STAG3: variants seen among roughly 807,000 people sequenced by gnomAD.
STAG3 encodes the protein cohesin subunit SA-3.
Under a neutral mutation model 160.7 loss-of-function variants are expected in STAG3, and 101 were observed. That is an observed-to-expected ratio of 0.63 (90% CI 0.54 to 0.74). STAG3 has a LOEUF of 0.74. Among genes scored for constraint, STAG3 ranks in the 30% least tolerant of loss-of-function variants. The pLI is 0.00. For synonymous variants in STAG3, 519 were observed against 585.0 expected, an observed-to-expected ratio of 0.89 and a Z score of 1.63; for missense variants, 1,188 against 1,517.4, an observed-to-expected ratio of 0.78 and a Z score of 3.61.
chr7:100,217,616 CGCT>C (rs1456031218), downstream of STAG3, among the ~76,000 whole-genome samples: 1 of 151,972 alleles, frequency 6.6e-6, no homozygotes, highest in Non-Finnish European at 1.5e-5. Context: ...TGCCTGACCG[CGCT>C]GCTATTTATG....
intron 16 of STAG3, chr7:100,199,993 G>A: frequency 2.3e-6 from 1 of 443,752 alleles, no homozygotes; most frequent in East Asian, 3.6e-5. Context: ...GTGAACCTGG[G>A]AGGTGGAGCT....
chr7:100,180,750 A>G lies in STAG3; in HGVS notation c.116+78A>G, dbSNP rs1178795668. 4 of 881,510 alleles carry G rather than the reference A, an allele frequency of 4.5e-6. No homozygotes were observed. In the African/African-American group the frequency reaches 6.5e-5, roughly 14 times the overall value. The allele number at this position is 881,510 out of a possible 1,614,324, so 54.6% of individuals were successfully genotyped here. The stretch of plus-strand genomic sequence containing the variant: ...CCCTCGTTTTCCCACATTGATGATA[A>G]TATGCGTGGGACTGTGTGAAAACAC... On this transcript the variant is annotated intron_variant, in intron 2 of 33. Transcript: ENST00000615138.
intron 32 of STAG3, chr7:100,213,532 G>A: frequency 1.0e-6 from 1 of 985,326 alleles, no homozygotes; most frequent in Non-Finnish European, 1.2e-6. Flanking sequence ...AGTCATTTAA[G>A]GGGCTCAGTC....
At position 100,188,929 on chromosome 7, in the gene STAG3, G is replaced by A; in HGVS notation, c.628G>A (p.Gly210Ser). ...CQCQYSLLYDGFPMDDLISLL... is the reference protein window; with the variant it reads ...CQCQYSLLYDSFPMDDLISLL... ...GTGCCAGTACAGCCTCCTCTATGAT[G>A]GCTTCCCTATGGACGACCTCATCTC... The change falls in exon 7 of 34, where the codon GGC becomes AGC. Residue 210 changes from glycine (G) to serine (S), a missense_variant. This residue lies in a region of STAG3 where 296 missense variants were observed against 404.0 expected (regional missense o/e 0.73). Transcript: ENST00000615138. 1 of 1,614,138 alleles carries A rather than the reference G, an allele frequency of 6.2e-7. No homozygotes were observed.
intron 25 of STAG3, 29 bp downstream of exon 25, chr7:100,202,619 A>G: frequency 6.2e-7 from 1 of 1,600,456 alleles, no homozygotes; most frequent in Non-Finnish European, 8.5e-7. Flanking sequence ...GAAATAAAAG[A>G]GAAGGGAGCA....
chr7:100,197,322 T>G, intron 10 of STAG3, 43 bp downstream of exon 10: 1 of 1,601,442 alleles, frequency 6.2e-7, no homozygotes. Flanking sequence ...CTTCATCTTT[T>G]TCCTGTCCTA....
intron 33 of STAG3, 37 bp from the exon 34 acceptor site, chr7:100,213,970 T>G: frequency 1.2e-6 from 2 of 1,614,244 alleles, no homozygotes; most frequent in Non-Finnish European, 1.7e-6. Flanking sequence ...GGCCCGTTGC[T>G]GTGTCCTGTG....
At chr7:100,193,437 G>A (rs1015502158) in intron 8 of STAG3, among the ~76,000 whole-genome samples, 5 of 152,158 alleles carry the variant, frequency 3.3e-5, no homozygotes, top group Non-Finnish European at 5.9e-5. Context: ...AATATAAGGC[G>A]TTTTCCAATT....
At chr7:100,191,850 CAA>C (rs1424692148) in intron 8 of STAG3, among the ~76,000 whole-genome samples, 16 of 152,202 alleles carry the variant, frequency 1.1e-4, no homozygotes, top group East Asian at 1.9e-4. Flanking sequence ...TCTTTCAAAA[CAA>C]GAGTCAATTC....
At chr7:100,200,737 A>G (rs749227728) in intron 18 of STAG3, 32 bp from the exon 19 acceptor site, 2 of 1,610,318 alleles carry the variant, frequency 1.2e-6, no homozygotes, top group South Asian at 1.1e-5. Context: ...TCCCATCCCC[A>G]CAGCACACCA....
At chr7:100,184,702 G>A (rs1287839060) in intron 4 of STAG3, among the ~76,000 whole-genome samples, 12 of 151,970 alleles carry the variant, frequency 7.9e-5, no homozygotes, top group Non-Finnish European at 2.9e-5. Flanking sequence ...TTTTGACCTC[G>A]TGATCCGCCG....
At chr7:100,183,292 G>C (rs1260087139) in intron 4 of STAG3, among the ~76,000 whole-genome samples, 6 of 152,170 alleles carry the variant, frequency 3.9e-5, no homozygotes, top group African/African-American at 1.4e-4. Context: ...GGGATTACAG[G>C]CGTGAGTCAC....
chr7:100,209,306 G>A (rs1801953085), intron 29 of STAG3, among the ~76,000 whole-genome samples: 1 of 152,198 alleles, frequency 6.6e-6, no homozygotes, highest in African/African-American at 2.4e-5. Context: ...AACAGGTGAG[G>A]GAGGGTGCTT....
At chr7:100,200,573 C>T (rs1389922849) in intron 18 of STAG3, 31 bp downstream of exon 18, 2 of 1,605,394 alleles carry the variant, frequency 1.2e-6, no homozygotes, top group South Asian at 1.1e-5. Flanking sequence ...TACCTTGCTG[C>T]TTGCCTGCCA....
At chr7:100,192,073 T>A (rs1800376600) in intron 8 of STAG3, among the ~76,000 whole-genome samples, 1 of 152,232 alleles carries the variant, frequency 6.6e-6, no homozygotes, top group African/African-American at 2.4e-5. Context: ...CTACTTCTAG[T>A]TCTCTTGCTA....
In STAG3 at chr7:100,188,508, C is replaced by T; in HGVS notation, c.489C>T (p.His163=). 1 of 1,613,502 alleles carries T rather than the reference C, an allele frequency of 6.2e-7. No individual in the cohort carries two copies. The change falls in exon 6 of 34, where the codon CAC becomes CAT. Residue 163 remains histidine (H), a synonymous_variant. Coordinates refer to ENST00000615138, the MANE Select transcript of STAG3 (RefSeq NM_001282717.2). ...KKMSNSEIIQ[H]LTEQFNEDSG... ...TGTCCAACTCAGAGATCATCCAGCA[C>T]CTAACAGAGCAGTTTAATGAGGTGG... is the stretch of plus-strand genomic sequence containing the variant.
chr7:100,214,164 C>G lies in STAG3; in HGVS notation c.*149C>G. 2.6e-6 allele frequency: 3 copies of G among 1,136,240 alleles called. No individual in the cohort carries two copies. The highest frequency in any genetic ancestry group is 3.8e-6 in the Non-Finnish European group (3 of 783,636). 70.4% of individuals were successfully genotyped at this position (1,136,240 alleles called of 1,614,324 possible). A position where few individuals can be genotyped will look rare whatever the true frequency, so the allele number is the denominator to read the frequency against. ...AAAGAGTTGGGCATTGTTTTTCTAA[C>G]CTAACCTTTCCCTCTGGGGTAGAGA... On this transcript the variant is annotated 3_prime_UTR_variant, in exon 34 of 34. Coordinates refer to ENST00000615138, the MANE Select transcript of STAG3 (RefSeq NM_001282717.2).
rs1366545239 is a variant in STAG3, at chr7:100,189,536, C to T, written c.807C>T (p.Asn269=). The T allele has an allele frequency of 1.9e-6, 3 of 1,614,114 alleles. No homozygotes were observed. The South Asian group carries it at 3.3e-5, about 18-fold the overall frequency. ...AGCGTCAGTATGAGGCTGAAAGAAA[C>T]AAGGGGCCAGGGCAGAGGGCACCTG... ...NNQRQYEAER[N]KGPGQRAPER... The change falls in exon 8 of 34, where the codon AAC becomes AAT. Residue 269 remains asparagine (N), a synonymous_variant. Transcript: ENST00000615138.
Position 100,201,733 on chromosome 7 carries a change from GTC to G in STAG3, c.2221-48_2221-47del. The G allele has an allele frequency of 2.0e-6, 3 of 1,499,714 alleles. No individual in the cohort carries two copies. In the South Asian group the frequency reaches 3.4e-5, roughly 17 times the overall value. The allele number at this position is 1,499,714 out of a possible 1,614,324, so 92.9% of individuals were successfully genotyped here. On this transcript the variant is annotated intron_variant, in intron 21 of 33. Coordinates refer to ENST00000615138, the MANE Select transcript of STAG3 (RefSeq NM_001282717.2). ...TTCACTGGTGTGTTTCTGGCTATCT[GTC>G]TCTCCCTCTCCTAACCCAAACCTCA...
Sources: gnomAD v4.1 joint callset for allele counts (sites outside exome capture counted in the v4.1 genomes callset) on GRCh38, gnomAD v4.1.1 for gene constraint, gnomAD v4.1.1 regional missense constraint, MANE v1.5 for transcripts, NCBI Gene and HGNC (gene_info 2026-07-23, HGNC 2026-07-21) for gene names.